CHD2: variants seen among roughly 807,000 people sequenced by gnomAD.
The protein encoded by CHD2 is chromodomain helicase DNA binding protein 2, also known as ATP-dependent chromatin remodeler CHD2.
In CHD2, 28 loss-of-function variants were observed where a neutral mutation model predicts 243.9. That is an observed-to-expected ratio of 0.11 (90% confidence interval 0.09 to 0.16). The LOEUF is 0.16. Ranked by LOEUF, CHD2 falls within the 10% of genes least tolerant of loss-of-function variation. The pLI is 1.00. For synonymous variants in CHD2, 775 were observed against 779.0 expected, an observed-to-expected ratio of 0.99 and a Z score of 0.09; for missense variants, 1,386 against 2,209.8, an observed-to-expected ratio of 0.63 and a Z score of 7.47.
At chr15:93,009,745 AC>A (rs2054367051) in intron 35 of CHD2, among the ~76,000 whole-genome samples, 1 of 152,224 alleles carries the variant, frequency 6.6e-6, no homozygotes. Context: ...AAAGATTAAA[AC>A]CGCAAGAACT....
rs1482944946 is a variant in CHD2 at position 93,027,177 on chromosome 15, G to A, written c.*2472G>A. 6.6e-6 allele frequency: 1 copy of A among 152,618 alleles called. No individual in the cohort carries two copies. Among genetic ancestry groups the A allele is most frequent in the Non-Finnish European group, 1.5e-5 (1 of 68,036 alleles). 9.5% of individuals were successfully genotyped at this position (152,618 alleles called of 1,614,324 possible). A position where few individuals can be genotyped will look rare whatever the true frequency, so the allele number is the denominator to read the frequency against. ...AGCATTTCTTCATTGATTTAAATCA[G>A]TATGAATATTATATGCCTAAATAAA... On this transcript the variant is annotated 3_prime_UTR_variant, in exon 39 of 39. Transcript: ENST00000394196.
At chr15:92,961,575 A>T (rs939800971) in intron 16 of CHD2, among the ~76,000 whole-genome samples, 1 of 151,584 alleles carries the variant, frequency 6.6e-6, no homozygotes, top group Non-Finnish European at 1.5e-5. Context: ...AATTTTTAAA[A>T]TTTATTTTTT....
At chr15:92,924,300 C>T (rs766960119) in intron 2 of CHD2, 21 bp from the exon 3 acceptor site, 1 of 1,519,144 alleles carries the variant, frequency 6.6e-7, no homozygotes. Context: ...ATTTTTAAAT[C>T]TCTCTCTCTC....
chr15:92,939,217 C>A (rs1304653674), intron 6 of CHD2, among the ~76,000 whole-genome samples: 2 of 152,162 alleles, frequency 1.3e-5, no homozygotes, highest in Non-Finnish European at 2.9e-5. Flanking sequence ...TTAATTCCTA[C>A]AAGTAAAATA....
chr15:92,904,401 T>TG (rs994003239), intron 2 of CHD2: 64 of 969,602 alleles, frequency 6.6e-5, no homozygotes, highest in Non-Finnish European at 7.5e-5. Flanking sequence ...ACGGCTCCCC[T>TG]GGGGGGCGGG....
Position 92,911,810 on chromosome 15 carries a change from G to T in CHD2, c.62+10511G>T, listed in dbSNP as rs1400415556. Among the ~76,000 whole-genome samples the T allele has an allele frequency of 2.0e-5, 3 of 152,248 alleles. No homozygotes were observed. The East Asian group carries it at 5.8e-4, about 29-fold the overall frequency. On this transcript the variant is annotated intron_variant, in intron 2 of 38. Transcript: ENST00000394196. Reference sequence around the variant, plus strand: ...AATGTATATGAGACTGCGGAAAATAGTAAAAATCTTGCATAATTCTGTAGT... The same window carrying T: ...AATGTATATGAGACTGCGGAAAATATTAAAAATCTTGCATAATTCTGTAGT...
intron 27 of CHD2, chr15:92,991,739 C>A: frequency 2.4e-6 from 1 of 414,432 alleles, no homozygotes; most frequent in Non-Finnish European, 4.2e-6. Context: ...AAAAGACTTT[C>A]ACCTTCGTGA....
In CHD2 at chr15:92,972,504, T is replaced by C; in HGVS notation, c.2505+87T>C. ...AACCTTCCTACACTGGGTTGTATGC[T>C]TTGCTTGTTAAAGTAGGAAGTAAGA... On this transcript the variant is annotated intron_variant, in intron 19 of 38. Transcript: ENST00000394196. 1.7e-6 allele frequency: 2 copies of C among 1,178,894 alleles called. 1 individual carries two copies. Among genetic ancestry groups the C allele is most frequent in the South Asian group, 3.8e-5 (2 of 52,746 alleles). 73.0% of individuals were successfully genotyped at this position (1,178,894 alleles called of 1,614,324 possible). A position where few individuals can be genotyped will look rare whatever the true frequency, so the allele number is the denominator to read the frequency against.
At chr15:92,967,598 G>GTT (rs144172255) in intron 17 of CHD2, 85 bp downstream of exon 17, 3,277 of 607,160 alleles carry the variant, frequency 5.4e-3, no homozygotes, top group South Asian at 7.1e-3. Flanking sequence ...ATATACTTTT[G>GTT]TTTTTTTTTT....
At chr15:92,902,043 G>C (rs2052536020) in intron 2 of CHD2, 2 of 392,906 alleles carry the variant, frequency 5.1e-6, no homozygotes, top group African/African-American at 4.1e-5. Flanking sequence ...ATTTGCAGTT[G>C]TATATTTTAC....
rs1452951779 is a variant in CHD2, at chr15:92,997,832, C to T, written c.3885+429C>T. On this transcript the variant is annotated intron_variant, in intron 30 of 38. Transcript: ENST00000394196. This position sits in a 1 kb window ranked among gnomAD's most constrained non-coding sequence, Gnocchi z 4.1. Reference sequence around the variant, plus strand: ...GTAATGGAATTAAACATTGGCTGTTCTTCTCCCACAAAATCGAGCCTCCCA... The same window carrying T: ...GTAATGGAATTAAACATTGGCTGTTTTTCTCCCACAAAATCGAGCCTCCCA... 6.6e-6 allele frequency among the ~76,000 whole-genome samples: 1 copy of T among 152,154 alleles called. No homozygotes were observed. The highest frequency in any genetic ancestry group is 1.5e-5 in the Non-Finnish European group (1 of 68,030).
intron 2 of CHD2, among the ~76,000 whole-genome samples, chr15:92,905,872 C>G (rs1274508947): frequency 2.6e-5 from 4 of 152,144 alleles, no homozygotes; most frequent in African/African-American, 9.7e-5. Flanking sequence ...AGTATACCTG[C>G]CACAAGAACG....
At chr15:92,919,924 A>G (rs745959741) in intron 2 of CHD2, among the ~76,000 whole-genome samples, 2 of 152,208 alleles carry the variant, frequency 1.3e-5, no homozygotes, top group Non-Finnish European at 2.9e-5. Flanking sequence ...CCCTGAGAGC[A>G]TCTGCCTCCC....
At chr15:92,984,188 GA>G in intron 24 of CHD2, 141 bp from the exon 25 acceptor site, 4 of 594,068 alleles carry the variant, frequency 6.7e-6, no homozygotes, top group Non-Finnish European at 1.0e-5. Context: ...AAAATTAATA[GA>G]AAATTGATTA....
chr15:92,974,959 T>C lies in CHD2; in HGVS notation c.2577+9T>C, dbSNP rs749761361. 3.1e-6 allele frequency: 5 copies of C among 1,611,914 alleles called. No individual in the cohort carries two copies. In the Admixed American group the frequency reaches 6.7e-5, roughly 22 times the overall value. On this transcript the variant is annotated intron_variant, in intron 20 of 38. Coordinates refer to ENST00000394196, the MANE Select transcript of CHD2 (RefSeq NM_001271.4). ...ATGCAGATGGGTCTGAGGTATACTA[T>C]GCATGGCTTTGTTATTTGAGCAACT...
chr15:92,929,307 C>T (rs897496015), intron 5 of CHD2, among the ~76,000 whole-genome samples: 5 of 152,060 alleles, frequency 3.3e-5, no homozygotes, highest in East Asian at 1.9e-4. Flanking sequence ...AAGGGGTCCA[C>T]GTATACTCGA....
intron 5 of CHD2, among the ~76,000 whole-genome samples, chr15:92,935,064 C>CT (rs1312899139): frequency 7.1e-6 from 1 of 141,412 alleles, no homozygotes. Flanking sequence ...AGAACAGAGT[C>CT]TCGCTTTGTC....
chr15:92,983,454 A>G (rs2054004416), intron 24 of CHD2, among the ~76,000 whole-genome samples: 1 of 152,326 alleles, frequency 6.6e-6, no homozygotes, highest in South Asian at 2.1e-4. Context: ...AAGAGTCTTA[A>G]CTTGACTTCA....
At chr15:93,001,075 G>T (rs917235040) in intron 32 of CHD2, among the ~76,000 whole-genome samples, 2 of 152,148 alleles carry the variant, frequency 1.3e-5, no homozygotes, top group Non-Finnish European at 2.9e-5. Flanking sequence ...CACCATGTTG[G>T]CCAGGCTGGT....
Sources: gnomAD v4.1 joint callset for allele counts (sites outside exome capture counted in the v4.1 genomes callset) on GRCh38, gnomAD v4.1.1 for gene constraint, Gnocchi (gnomAD v3.1) non-coding constraint, MANE v1.5 for transcripts, NCBI Gene and HGNC (gene_info 2026-07-23, HGNC 2026-07-21) for gene names.